SPON1: variants seen among roughly 807,000 people sequenced by gnomAD.
The protein encoded by SPON1 is spondin 1.
A neutral mutation model predicts 111.7 loss-of-function variants in SPON1; 52 were observed. The ratio of observed to expected loss-of-function variants is 0.47; its 90% CI spans 0.37 to 0.59. SPON1 has a LOEUF of 0.59. SPON1 is among the 20% of genes least tolerant of loss of function. The probability of loss-of-function intolerance (pLI) is 0.00; values close to 1 mark genes in which losing one functional copy is unlikely to be tolerated. For missense variants in SPON1, 957 were observed against 1,068.5 expected (o/e 0.90, Z 1.46); for synonymous variants, 410 against 395.8 (o/e 1.04, Z -0.43).
intron 7 of SPON1, among the ~76,000 whole-genome samples, chr11:14,247,718 T>C (rs1282669398): frequency 6.6e-6 from 1 of 152,174 alleles, no homozygotes; most frequent in Non-Finnish European, 1.5e-5. Context: ...GCTGGCATAA[T>C]GAAAGAGTGG....
intron 6 of SPON1, among the ~76,000 whole-genome samples, chr11:14,175,170 T>G (rs1591400125): frequency 6.6e-6 from 1 of 152,220 alleles, no homozygotes; most frequent in Non-Finnish European, 1.5e-5. Flanking sequence ...TACTGAGCTG[T>G]ACAGCATTGA....
At chr11:14,057,654 A>G (rs1375130267) in intron 3 of SPON1, among the ~76,000 whole-genome samples, 1 of 152,088 alleles carries the variant, frequency 6.6e-6, no homozygotes, top group Non-Finnish European at 1.5e-5. Flanking sequence ...TAAGTTTTTT[A>G]TACCGCTCTT....
At chr11:14,089,341 T>C (rs1440149534) in intron 5 of SPON1, among the ~76,000 whole-genome samples, 1 of 152,166 alleles carries the variant, frequency 6.6e-6, no homozygotes, top group Non-Finnish European at 1.5e-5. Flanking sequence ...TTGTTGATGT[T>C]GATGTTATTG....
intron 2 of SPON1, among the ~76,000 whole-genome samples, chr11:14,001,625 TC>T (rs1433898689): frequency 6.6e-5 from 10 of 152,130 alleles, no homozygotes; most frequent in Non-Finnish European, 1.2e-4. Context: ...CGTTACCCTT[TC>T]CCAATATGTT....
At chr11:14,103,747 TA>T (rs1179001778) in intron 5 of SPON1, among the ~76,000 whole-genome samples, 7 of 152,248 alleles carry the variant, frequency 4.6e-5, no homozygotes, top group Non-Finnish European at 8.8e-5. Flanking sequence ...CAGGGTTTTT[TA>T]TTTGTTTGCT....
chr11:14,083,769 T>C (rs1381397943), intron 5 of SPON1, among the ~76,000 whole-genome samples: 1 of 152,260 alleles, frequency 6.6e-6, no homozygotes, highest in African/African-American at 2.4e-5. Context: ...TTCTGGGTTT[T>C]GCTTGAAAGC....
intron 6 of SPON1, among the ~76,000 whole-genome samples, chr11:14,173,902 A>ACTG (rs533642970): frequency 0.18 from 26,923 of 152,032 alleles, 2,497 homozygotes; most frequent in Admixed American, 0.24. Flanking sequence ...TTCACCCCGT[A>ACTG]GGGGATGCCT....
intron 4 of SPON1, among the ~76,000 whole-genome samples, chr11:14,076,959 C>T (rs1047353579): frequency 5.3e-5 from 8 of 152,312 alleles, no homozygotes; most frequent in Middle Eastern, 3.4e-3. Flanking sequence ...CCTTTCTCTA[C>T]ACAGGGAGCA....
intron 2 of SPON1, among the ~76,000 whole-genome samples, chr11:13,983,382 A>G (rs1446300029): frequency 6.6e-6 from 1 of 152,232 alleles, no homozygotes; most frequent in African/African-American, 2.4e-5. Flanking sequence ...GAATGTAGAG[A>G]TTGATTTATG....
intron 6 of SPON1, among the ~76,000 whole-genome samples, chr11:14,207,356 A>C (rs1848528541): frequency 6.6e-6 from 1 of 152,218 alleles, no homozygotes; most frequent in African/African-American, 2.4e-5. Flanking sequence ...ACAAAAGCAA[A>C]AATTGACAAA....
At chr11:14,112,818 C>T (rs1366554542) in intron 5 of SPON1, among the ~76,000 whole-genome samples, 3 of 152,156 alleles carry the variant, frequency 2.0e-5, no homozygotes, top group Non-Finnish European at 4.4e-5. Context: ...GATGAAGTCC[C>T]TTCCTTGCTC....
intron 1 of SPON1, among the ~76,000 whole-genome samples, chr11:13,970,647 T>C (rs1217961551): frequency 1.3e-5 from 2 of 152,128 alleles, no homozygotes; most frequent in Non-Finnish European, 2.9e-5. Context: ...CACTATCCTT[T>C]GAATTTTCCA....
chr11:14,233,184 C>T (rs1848822345), intron 6 of SPON1, among the ~76,000 whole-genome samples: 1 of 152,176 alleles, frequency 6.6e-6, no homozygotes, highest in African/African-American at 2.4e-5. Context: ...TACATGACAC[C>T]TCCTTTTGGA....
intron 4 of SPON1, among the ~76,000 whole-genome samples, chr11:14,078,885 A>G (rs868924413): frequency 6.6e-6 from 1 of 152,178 alleles, no homozygotes; most frequent in Non-Finnish European, 1.5e-5. Context: ...TATATATTTA[A>G]ACCAAATCAA....
At position 14,266,216 on chromosome 11, in the gene SPON1, T is replaced by C. The variant is rs571437413; in HGVS notation, c.*529T>C. 2.0e-5 allele frequency: 3 copies of C among 152,402 alleles called. No homozygotes were observed. The highest frequency in any genetic ancestry group is 2.9e-5 in the Non-Finnish European group (2 of 68,088). The allele number at this position is 152,402 out of a possible 1,614,324, so 9.4% of individuals were successfully genotyped here. A position where few individuals can be genotyped will look rare whatever the true frequency, so the allele number is the denominator to read the frequency against. On this transcript the variant is annotated 3_prime_UTR_variant, in exon 16 of 16. Transcript: ENST00000576479. ...AGTTCCTGGGGAAAAACAGAGCTGG[T>C]AGACTTGAAGAGGAGCATTGATGTT...
At chr11:14,081,323 A>G (rs1014513990) in intron 5 of SPON1, among the ~76,000 whole-genome samples, 3 of 152,204 alleles carry the variant, frequency 2.0e-5, no homozygotes, top group Admixed American at 6.5e-5. Context: ...CGGCTAGTGG[A>G]GAGACAGACA....
chr11:13,984,498 G>A (rs1379640445), intron 2 of SPON1, among the ~76,000 whole-genome samples: 1 of 152,148 alleles, frequency 6.6e-6, no homozygotes, highest in Non-Finnish European at 1.5e-5. Context: ...GAAGGTGAGA[G>A]CAAGAGGGGT....
chr11:14,133,692 A>G (rs1253961200), intron 5 of SPON1, among the ~76,000 whole-genome samples: 1 of 152,208 alleles, frequency 6.6e-6, no homozygotes, highest in African/African-American at 2.4e-5. Context: ...CATTGCCCCT[A>G]CACAAGTGTA....
intron 5 of SPON1, among the ~76,000 whole-genome samples, chr11:14,127,307 A>C (rs1399234243): frequency 8.6e-5 from 13 of 150,888 alleles, no homozygotes; most frequent in Non-Finnish European, 1.5e-4. Flanking sequence ...CCTCCGAAAA[A>C]AAAAAAAAAA....
Sources: gnomAD v4.1 joint callset for allele counts (sites outside exome capture counted in the v4.1 genomes callset) on GRCh38, gnomAD v4.1.1 for gene constraint, MANE v1.5 for transcripts, NCBI Gene and HGNC (gene_info 2026-07-23, HGNC 2026-07-21) for gene names.